Variants in GID8 observed in about 807,000 individuals in gnomAD.
GID8 encodes the protein glucose-induced degradation protein 8 homolog.
GID8 carries 6 observed loss-of-function variants against 27.4 expected under a neutral mutation model. The ratio of observed to expected loss-of-function variants is 0.22; its 90% confidence interval spans 0.12 to 0.43. The LOEUF is 0.43. Among genes scored for constraint, GID8 ranks in the 20% least tolerant of loss-of-function variants. GID8 has a pLI of 1.00. For synonymous variants in GID8, 112 were observed against 109.0 expected, an observed-to-expected ratio of 1.03 and a Z score of -0.17; for missense variants, 173 against 287.6, an observed-to-expected ratio of 0.60 and a Z score of 2.88.
rs1414231052 is a variant in GID8 at position 62,943,730 on chromosome 20, A to T, written c.513+38A>T. ...AGAGGGAAGCTTTCTTCCATTCCCCATGTGCTCTGAGGGGGCTTCGTGACA... is the reference window on the plus strand; with the variant it reads ...AGAGGGAAGCTTTCTTCCATTCCCCTTGTGCTCTGAGGGGGCTTCGTGACA... On this transcript the variant is annotated intron_variant, in intron 4 of 4. Coordinates refer to ENST00000266069, the MANE Select transcript of GID8 (RefSeq NM_017896.3). The surrounding 1 kb of genome is among the most constrained non-coding windows in gnomAD (Gnocchi z 4.7). The T allele has an allele frequency of 3.3e-6, 5 of 1,512,536 alleles. No individual in the cohort carries two copies. The African/African-American group carries it at 6.9e-5, about 21-fold the overall frequency. The allele number at this position is 1,512,536 out of a possible 1,614,324, so 93.7% of individuals were successfully genotyped here.
chr20:62,941,680 A>G (rs2065444433), intron 2 of GID8, 60 bp downstream of exon 2: 7 of 932,096 alleles, frequency 7.5e-6, no homozygotes, highest in Non-Finnish European at 9.0e-6. Context: ...TTGAACACAT[A>G]AGGAGTGCTG....
intron 1 of GID8, among the ~76,000 whole-genome samples, chr20:62,940,986 C>T (rs549767547): frequency 7.6e-6 from 1 of 132,364 alleles, no homozygotes; most frequent in African/African-American, 2.5e-5. Flanking sequence ...GCCAAATAAT[C>T]GTTGTACATT....
Position 62,945,561 on chromosome 20 carries a change from G to C in GID8, c.*649G>C. The C allele has an allele frequency of 1.8e-6, 2 of 1,132,874 alleles. No homozygotes were observed. Among genetic ancestry groups the C allele is most frequent in the Non-Finnish European group, 2.2e-6 (2 of 913,200 alleles). 70.2% of individuals were successfully genotyped at this position (1,132,874 alleles called of 1,614,324 possible). ...TGGTGCTGTGTGTGGTAAGAGACTT[G>C]TTCCTAGTGGATCAATGAACCATCT... On this transcript the variant is annotated 3_prime_UTR_variant, in exon 5 of 5. Coordinates refer to ENST00000266069, the MANE Select transcript of GID8 (RefSeq NM_017896.3).
At position 62,942,977 on chromosome 20, in the gene GID8, T is replaced by C. The variant is rs1435662309; in HGVS notation, c.119-10T>C. On this transcript the variant is annotated splice_polypyrimidine_tract_variant and intron_variant, in intron 2 of 4. Transcript: ENST00000266069. ...ACTTTCCTAGCAGTGAAGATGGTTT[T>C]TCTATTCAGAGGGCTTTAAGGAAGC... 3 of 1,601,430 alleles carry C rather than the reference T, an allele frequency of 1.9e-6. No homozygotes were observed. The highest frequency in any genetic ancestry group is 1.3e-5 in the African/African-American group (1 of 74,640).
At position 62,943,259 on chromosome 20, in the gene GID8, C is replaced by G; in HGVS notation, c.315+76C>G. On this transcript the variant is annotated intron_variant, in intron 3 of 4. Coordinates refer to ENST00000266069, the MANE Select transcript of GID8 (RefSeq NM_017896.3). The surrounding 1 kb of genome is among the most constrained non-coding windows in gnomAD (Gnocchi z 4.7). Reference sequence around the variant, plus strand: ...GTTATTTGCAATGATTGAGAAATAACTAGGCTAATTTGCTTTAATAATGTT... The same window carrying G: ...GTTATTTGCAATGATTGAGAAATAAGTAGGCTAATTTGCTTTAATAATGTT... The G allele has an allele frequency of 9.1e-6, 11 of 1,208,496 alleles. No individual in the cohort carries two copies. Among genetic ancestry groups the G allele is most frequent in the Non-Finnish European group, 1.3e-5 (11 of 841,110 alleles). The allele number at this position is 1,208,496 out of a possible 1,614,324, so 74.9% of individuals were successfully genotyped here. A position where few individuals can be genotyped will look rare whatever the true frequency, so the allele number is the denominator to read the frequency against.
chr20:62,939,294 G>A (rs1180954438), intron 1 of GID8, among the ~76,000 whole-genome samples: 6 of 152,100 alleles, frequency 3.9e-5, no homozygotes, highest in African/African-American at 1.4e-4. Context: ...TTCTGCTGGT[G>A]CCACTTTCTC....
At chr20:62,941,456 A>G in intron 1 of GID8, 35 bp from the exon 2 acceptor site, 2 of 1,213,124 alleles carry the variant, frequency 1.6e-6, no homozygotes, top group Non-Finnish European at 2.5e-6. Context: ...AGGAGCATCT[A>G]AACCCCTCCC....
intron 1 of GID8, 79 bp from the exon 2 acceptor site, chr20:62,941,411 CT>C: frequency 1.3e-6 from 1 of 783,628 alleles, no homozygotes. Context: ...GATTCTCCGG[CT>C]CACAGCTCTT....
intron 1 of GID8, among the ~76,000 whole-genome samples, chr20:62,941,235 A>G (rs1020594679): frequency 2.0e-5 from 3 of 152,260 alleles, no homozygotes; most frequent in African/African-American, 4.8e-5. Flanking sequence ...AGGAGCACAC[A>G]TGTTCAGCTT....
rs2065468710 is a variant in GID8 at position 62,946,846 on chromosome 20, ACAG to A, written c.*1937_*1939del. 1 of 152,256 alleles carries A rather than the reference ACAG, an allele frequency of 6.6e-6. No homozygotes were observed. The highest frequency in any genetic ancestry group is 1.9e-4 in the East Asian group (1 of 5,206). 9.4% of individuals were successfully genotyped at this position (152,256 alleles called of 1,614,324 possible). ...GAGATGCATCTGCACGTTTTCTTCA[ACAG>A]CACCAGGTGATTCAGCATATTCCTA... On this transcript the variant is annotated 3_prime_UTR_variant, in exon 5 of 5. Coordinates refer to ENST00000266069, the MANE Select transcript of GID8 (RefSeq NM_017896.3).
chr20:62,940,504 C>G lies in GID8; in HGVS notation c.-12-987C>G, dbSNP rs181220049. On this transcript the variant is annotated intron_variant, in intron 1 of 4. Transcript: ENST00000266069. Reference sequence around the variant, plus strand: ...AGCTGGGACTACAGGCGCCCGCCACCGAGCACGGCTAATTTTTTGTATTTT... The same window carrying G: ...AGCTGGGACTACAGGCGCCCGCCACGGAGCACGGCTAATTTTTTGTATTTT... Among the ~76,000 whole-genome samples the G allele has an allele frequency of 2.8e-3, 426 of 152,268 alleles. 2 individuals are homozygous for G. Among genetic ancestry groups the G allele is most frequent in the African/African-American group, 9.5e-3 (396 of 41,542 alleles).
chr20:62,945,003 A>G lies in GID8; in HGVS notation c.*91A>G. 6.8e-7 allele frequency: 1 copy of G among 1,475,362 alleles called. No homozygotes were observed. Among genetic ancestry groups the G allele is most frequent in the Non-Finnish European group, 9.0e-7 (1 of 1,112,516 alleles). 91.4% of individuals were successfully genotyped at this position (1,475,362 alleles called of 1,614,324 possible). A position where few individuals can be genotyped will look rare whatever the true frequency, so the allele number is the denominator to read the frequency against. Reference sequence around the variant, plus strand: ...GCGACTGCAAGATTCTTACTGCAGTAGAGAACTCTTTTTCTCCCTTGTACT... The same window carrying G: ...GCGACTGCAAGATTCTTACTGCAGTGGAGAACTCTTTTTCTCCCTTGTACT... On this transcript the variant is annotated 3_prime_UTR_variant, in exon 5 of 5. Coordinates refer to ENST00000266069, the MANE Select transcript of GID8 (RefSeq NM_017896.3).
At chr20:62,944,177 G>C (rs1225359919) in intron 4 of GID8, among the ~76,000 whole-genome samples, 1 of 152,112 alleles carries the variant, frequency 6.6e-6, no homozygotes, top group Non-Finnish European at 1.5e-5. Flanking sequence ...CAACGGACTT[G>C]GTGATCGTTA....
At position 62,941,628 on chromosome 20, in the gene GID8, C is replaced by T; in HGVS notation, c.118+8C>T. 1.4e-6 allele frequency: 2 copies of T among 1,404,738 alleles called. No homozygotes were observed. Among genetic ancestry groups the T allele is most frequent in the Non-Finnish European group, 1.0e-6 (1 of 988,792 alleles). 87.0% of individuals were successfully genotyped at this position (1,404,738 alleles called of 1,614,324 possible). ...TGAACTACCTGGTCACAGGTAATGG[C>T]TTACAGTGAGGATGCTGTTGCATGA... On this transcript the variant is annotated splice_region_variant and intron_variant, in intron 2 of 4. Transcript: ENST00000266069.
At position 62,944,954 on chromosome 20, in the gene GID8, G is replaced by A. The variant is rs759591079; in HGVS notation, c.*42G>A. On this transcript the variant is annotated 3_prime_UTR_variant, in exon 5 of 5. Transcript: ENST00000266069. The stretch of plus-strand genomic sequence containing the variant: ...GTGGATCCAACACCAGCCCTGCGTC[G>A]TGGGACTTGCCTCAGATCAGCCTGC... 6.0e-5 allele frequency: 94 copies of A among 1,570,798 alleles called. No homozygotes were observed. In the East Asian group the frequency reaches 7.8e-4, roughly 13 times the overall value.
At position 62,943,236 on chromosome 20, in the gene GID8, T is replaced by C; in HGVS notation, c.315+53T>C. 3.0e-6 allele frequency: 4 copies of C among 1,340,012 alleles called. No homozygotes were observed. Among genetic ancestry groups the C allele is most frequent in the Non-Finnish European group, 4.2e-6 (4 of 954,090 alleles). The allele number at this position is 1,340,012 out of a possible 1,614,324, so 83.0% of individuals were successfully genotyped here. A position where few individuals can be genotyped will look rare whatever the true frequency, so the allele number is the denominator to read the frequency against. On this transcript the variant is annotated intron_variant, in intron 3 of 4. Transcript: ENST00000266069. This position sits in a 1 kb window ranked among gnomAD's most constrained non-coding sequence, Gnocchi z 4.7. Reference sequence around the variant, plus strand: ...TTGTGAATACTTGATAAGTTAAAGTTATTTGCAATGATTGAGAAATAACTA... The same window carrying C: ...TTGTGAATACTTGATAAGTTAAAGTCATTTGCAATGATTGAGAAATAACTA...
Position 62,946,036 on chromosome 20 carries a change from A to T in GID8, c.*1124A>T, listed in dbSNP as rs1171240135. 2 of 1,288,088 alleles carry T rather than the reference A, an allele frequency of 1.6e-6. No homozygotes were observed. Among genetic ancestry groups the T allele is most frequent in the Non-Finnish European group, 2.0e-6 (2 of 987,694 alleles). The allele number at this position is 1,288,088 out of a possible 1,614,324, so 79.8% of individuals were successfully genotyped here. A position where few individuals can be genotyped will look rare whatever the true frequency, so the allele number is the denominator to read the frequency against. On this transcript the variant is annotated 3_prime_UTR_variant, in exon 5 of 5. Transcript: ENST00000266069. The stretch of plus-strand genomic sequence containing the variant: ...CATTGCCTGCGAGTCGGGACAGTTG[A>T]TGGGCACATGGCCTTGTAGCTCTGG...
chr20:62,944,747 T>C lies in GID8; in HGVS notation c.522T>C (p.Ser174=). 2 of 1,611,420 alleles carry C rather than the reference T, an allele frequency of 1.2e-6. No homozygotes were observed. The highest frequency in any genetic ancestry group is 1.7e-6 in the Non-Finnish European group (2 of 1,177,632). ...LHTMQRQKVW[S]EVNQAVLDYE... ...ATGTATTTATATTCTAGGTGTGGAGTGAAGTTAACCAAGCTGTGCTAGATT... is the reference window on the plus strand; with the variant it reads ...ATGTATTTATATTCTAGGTGTGGAGCGAAGTTAACCAAGCTGTGCTAGATT... The change falls in exon 5 of 5, where the codon AGT becomes AGC. Residue 174 remains serine (S), a synonymous_variant. Coordinates refer to ENST00000266069, the MANE Select transcript of GID8 (RefSeq NM_017896.3).
Position 62,945,348 on chromosome 20 carries a change from GT to G in GID8, c.*441del. On this transcript the variant is annotated 3_prime_UTR_variant, in exon 5 of 5. Coordinates refer to ENST00000266069, the MANE Select transcript of GID8 (RefSeq NM_017896.3). ...CTACAAGTTTTTCCTTACCCCTGTG[GT>G]TTTTGTGTTTTTTTTTTTTTCTTTT... 1 of 979,044 alleles carries G rather than the reference GT, an allele frequency of 1.0e-6. No homozygotes were observed. The highest frequency in any genetic ancestry group is 1.2e-6 in the Non-Finnish European group (1 of 827,820). 60.6% of individuals were successfully genotyped at this position (979,044 alleles called of 1,614,324 possible). A position where few individuals can be genotyped will look rare whatever the true frequency, so the allele number is the denominator to read the frequency against.
Sources: allele counts gnomAD v4.1 joint callset (sites outside exome capture counted in the v4.1 genomes callset), GRCh38; gene constraint gnomAD v4.1.1; non-coding constraint Gnocchi (gnomAD v3.1); transcripts MANE v1.5; gene names NCBI Gene and HGNC (gene_info 2026-07-23, HGNC 2026-07-21).